The following PI4KA variants were observed in gnomAD, a reference collection of about 807,000 sequenced individuals.
PI4KA encodes phosphatidylinositol 4-kinase alpha, also known as PI4-kinase alpha.
In PI4KA, 122 loss-of-function variants were observed where a neutral mutation model predicts 271.4. The ratio of observed to expected loss-of-function variants is 0.45; its 90% CI spans 0.39 to 0.52. PI4KA has a LOEUF of 0.52. Among genes scored for constraint, PI4KA ranks in the 20% least tolerant of loss-of-function variants. The pLI is 0.00. For missense variants in PI4KA, 1,969 were observed against 2,769.1 expected (o/e 0.71, Z 6.48); for synonymous variants, 1,041 against 1,078.8 (o/e 0.96, Z 0.69).
At chr22:20,781,472 A>AC (rs947305834) in intron 19 of PI4KA, among the ~76,000 whole-genome samples, 153 of 151,680 alleles carry the variant, frequency 1.0e-3, no homozygotes, top group African/African-American at 1.9e-3. Context: ...AAGGAAGGAG[A>AC]CCCCCCCCAG....
chr22:20,778,655 C>T (rs979655877), intron 19 of PI4KA, among the ~76,000 whole-genome samples: 7 of 152,150 alleles, frequency 4.6e-5, no homozygotes, highest in Non-Finnish European at 1.0e-4. Context: ...ATCTCCATTG[C>T]AAAGGTGGAA....
At position 20,751,822 on chromosome 22, in the gene PI4KA, C is replaced by T. The variant is rs113410348; in HGVS notation, c.2988-67G>A. On this transcript the variant is annotated intron_variant, in intron 25 of 54. Coordinates refer to ENST00000255882, the MANE Select transcript of PI4KA (RefSeq NM_058004.4). The stretch of plus-strand genomic sequence containing the variant: ...CAAGGAAGGTCTGCTTCTAGGAGCC[C>T]CCTCAGCTGCCAGCCCGAGCCCATA... 1,987 of 1,383,478 alleles carry T rather than the reference C, an allele frequency of 1.4e-3. 3 individuals carry two copies. Among genetic ancestry groups the T allele is most frequent in the Non-Finnish European group, 1.8e-3 (1,738 of 978,928 alleles). 85.7% of individuals were successfully genotyped at this position (1,383,478 alleles called of 1,614,324 possible). A position where few individuals can be genotyped will look rare whatever the true frequency, so the allele number is the denominator to read the frequency against.
chr22:20,838,569 C>T, intron 2 of PI4KA, 46 bp downstream of exon 2: 1 of 1,054,406 alleles, frequency 9.5e-7, no homozygotes, highest in Non-Finnish European at 1.5e-6. Context: ...ACGCTCACTA[C>T]ACCCCCTTTT....
chr22:20,721,312 C>A lies in PI4KA; in HGVS notation c.5102G>T (p.Gly1701Val). ...AAAATACTCACGGTCTTTCTGGTGGCCCTCTTCATCTAGATAAATGTTAGT... is the reference window on the plus strand; with the variant it reads ...AAAATACTCACGGTCTTTCTGGTGGACCTCTTCATCTAGATAAATGTTAGT... ...MKTNIYLDEE[G>V]HQKDPDIGDL... Residue 1701 changes from glycine (G) to valine (V), a missense_variant, in exon 43 of 55, where the codon GGC becomes GTC. Gly to Val is a moderately radical substitution (Grantham distance 109). Coordinates refer to ENST00000255882, the MANE Select transcript of PI4KA (RefSeq NM_058004.4). 6.2e-7 allele frequency: 1 copy of A among 1,613,980 alleles called. No homozygotes were observed. Among genetic ancestry groups the A allele is most frequent in the Non-Finnish European group, 8.5e-7 (1 of 1,179,948 alleles).
chr22:20,826,898 G>GT (rs361607), intron 3 of PI4KA, among the ~76,000 whole-genome samples: 10 of 150,618 alleles, frequency 6.6e-5, no homozygotes, highest in South Asian at 2.1e-4. Flanking sequence ...TTTTAACGGG[G>GT]TTTTTTTTTT....
chr22:20,764,136 T>C (rs1932276958), intron 22 of PI4KA, among the ~76,000 whole-genome samples: 1 of 152,200 alleles, frequency 6.6e-6, no homozygotes. Flanking sequence ...GGAATCATCA[T>C]TTTGTAGCCA....
chr22:20,824,493 T>A (rs118040259), intron 3 of PI4KA, 79 bp from the exon 4 acceptor site: 1 of 974,510 alleles, frequency 1.0e-6, no homozygotes, highest in Non-Finnish European at 1.6e-6. Context: ...ATTCAATATG[T>A]TCCCTCTCAC....
At chr22:20,719,108 C>T (rs1926389664) in intron 43 of PI4KA, among the ~76,000 whole-genome samples, 1 of 152,076 alleles carries the variant, frequency 6.6e-6, no homozygotes, top group African/African-American at 2.4e-5. Flanking sequence ...GAAAAAAGCC[C>T]GTGTCATTTA....
At chr22:20,756,500 G>A (rs186859233) in intron 23 of PI4KA, among the ~76,000 whole-genome samples, 98 of 152,110 alleles carry the variant, frequency 6.4e-4, no homozygotes, top group African/African-American at 2.1e-3. Context: ...GATTACAGGC[G>A]TGAGCCACCA....
intron 4 of PI4KA, among the ~76,000 whole-genome samples, chr22:20,822,533 C>A (rs911906330): frequency 9.8e-5 from 15 of 152,334 alleles, no homozygotes; most frequent in African/African-American, 3.6e-4. Flanking sequence ...CAAATGAAAT[C>A]AACTTGCTTT....
At chr22:20,810,061 G>A (rs1304471139) in intron 9 of PI4KA, among the ~76,000 whole-genome samples, 1 of 152,132 alleles carries the variant, frequency 6.6e-6, no homozygotes, top group Non-Finnish European at 1.5e-5. Context: ...CATACCCATG[G>A]TAATAATTAG....
At chr22:20,856,030 C>T (rs1044622745) in intron 1 of PI4KA, among the ~76,000 whole-genome samples, 1 of 152,120 alleles carries the variant, frequency 6.6e-6, no homozygotes, top group African/African-American at 2.4e-5. Context: ...GCCTGTAATC[C>T]CGGCACTTTG....
chr22:20,784,654 T>C (rs369724609), intron 19 of PI4KA, among the ~76,000 whole-genome samples: 13 of 152,304 alleles, frequency 8.5e-5, no homozygotes, highest in African/African-American at 2.2e-4. Flanking sequence ...CAAAAAAAGA[T>C]TGGCTCAACT....
Position 20,820,687 on chromosome 22 carries a change from A to G in PI4KA, c.457-76T>C, listed in dbSNP as rs1031439939. 8.8e-6 allele frequency: 9 copies of G among 1,018,632 alleles called. No individual in the cohort carries two copies. The Admixed American group carries it at 9.8e-5, about 11-fold the overall frequency. The allele number at this position is 1,018,632 out of a possible 1,614,324, so 63.1% of individuals were successfully genotyped here. A position where few individuals can be genotyped will look rare whatever the true frequency, so the allele number is the denominator to read the frequency against. ...AATATCACGAAACTAAGTCAGAATT[A>G]GAAGGCACTTCAGACATTATCTTAA... is the stretch of plus-strand genomic sequence containing the variant. On this transcript the variant is annotated intron_variant, in intron 4 of 54. Coordinates refer to ENST00000255882, the MANE Select transcript of PI4KA (RefSeq NM_058004.4).
intron 19 of PI4KA, among the ~76,000 whole-genome samples, chr22:20,780,565 C>T (rs911367142): frequency 6.6e-6 from 1 of 152,114 alleles, no homozygotes; most frequent in African/African-American, 2.4e-5. Flanking sequence ...GTCAGGAGTT[C>T]GAGATCAGCC....
At chr22:20,807,190 T>G (rs867711285) in intron 10 of PI4KA, among the ~76,000 whole-genome samples, 172 bp downstream of exon 10, 29 of 152,312 alleles carry the variant, frequency 1.9e-4, no homozygotes, top group African/African-American at 6.3e-4. Flanking sequence ...CATGGACAGA[T>G]TTTTTAAATT....
chr22:20,753,837 C>G (rs5760380), intron 23 of PI4KA, among the ~76,000 whole-genome samples: 10,573 of 152,182 alleles, frequency 0.069, 356 homozygotes, highest in East Asian at 0.08. Context: ...CAGGTGCCCA[C>G]CACCACGCCC....
At chr22:20,808,389 C>T (rs1935790811) in intron 9 of PI4KA, among the ~76,000 whole-genome samples, 1 of 150,430 alleles carries the variant, frequency 6.6e-6, no homozygotes, top group Non-Finnish European at 1.5e-5. Flanking sequence ...TTCAGGAGTT[C>T]AAGACCAGCC....
chr22:20,727,192 T>G (rs199765690), intron 41 of PI4KA, 38 bp downstream of exon 41: 3 of 1,588,472 alleles, frequency 1.9e-6, no homozygotes. Context: ...CTCCCAACAG[T>G]CCTACCAGAG....
Sources: gnomAD v4.1 joint callset for allele counts (sites outside exome capture counted in the v4.1 genomes callset) on GRCh38, gnomAD v4.1.1 for gene constraint, MANE v1.5 for transcripts, NCBI Gene and HGNC (gene_info 2026-07-23, HGNC 2026-07-21) for gene names.